Variants in PCDHGA10 observed in about 807,000 individuals in gnomAD.
PCDHGA10 encodes protocadherin gamma subfamily A, 10.
PCDHGA10 carries 42 observed loss-of-function variants against 59.5 expected under a neutral mutation model. That is an observed-to-expected ratio of 0.71 (90% CI 0.55 to 0.91). PCDHGA10 has a LOEUF of 0.91. Ranked by LOEUF, PCDHGA10 falls within the 40% of genes least tolerant of loss-of-function variation. The pLI is 0.00. For missense variants in PCDHGA10, 1,111 were observed against 1,198.2 expected (o/e 0.93, Z 1.07); for synonymous variants, 511 against 517.2 (o/e 0.99, Z 0.16).
Position 141,413,476 on chromosome 5 carries a change from G to T in PCDHGA10, c.301G>T (p.Ala101Ser), listed in dbSNP as rs566734719. 2.1e-5 allele frequency: 34 copies of T among 1,614,004 alleles called. No homozygotes were observed. The South Asian group carries it at 3.7e-4, about 18-fold the overall frequency. ...CAGGATAGACCGGGAGGAGCTCTGC[G>T]CTCAGAGCGCGCGGTGCGTGGTGAG... The part of the protein sequence containing the change: ...AGRIDREELC[A>S]QSARCVVSFN... The change falls in exon 1 of 4, where the codon GCT becomes TCT. Residue 101 changes from alanine to serine, a missense_variant. By Grantham distance (99) the Ala-to-Ser change is moderately conservative (BLOSUM62 1). Coordinates refer to ENST00000398610, the MANE Select transcript of PCDHGA10 (RefSeq NM_018913.3).
Position 141,415,485 on chromosome 5 carries a change from T to C in PCDHGA10, c.2310T>C (p.Ser770=), listed in dbSNP as rs2154545779. 6.2e-7 allele frequency: 1 copy of C among 1,614,044 alleles called. No homozygotes were observed. Among genetic ancestry groups the C allele is most frequent in the South Asian group, 1.1e-5 (1 of 91,074 alleles). The change falls in exon 1 of 4, where the codon AGT becomes AGC. Residue 770 remains serine (S), a synonymous_variant. Coordinates refer to ENST00000398610, the MANE Select transcript of PCDHGA10 (RefSeq NM_018913.3). Reference sequence around the variant, plus strand: ...CTCTCACCGCGGACTCGCGAAAGAGTCACCTGATCTTCCCCCAGCCCAATT... The same window carrying C: ...CTCTCACCGCGGACTCGCGAAAGAGCCACCTGATCTTCCCCCAGCCCAATT... The part of the protein sequence containing the change: ...EVSLTADSRK[S]HLIFPQPNYA...
rs2095716553 is a variant in PCDHGA10 at position 141,414,167 on chromosome 5, A to T, written c.992A>T (p.Tyr331Phe). 1.9e-6 allele frequency: 3 copies of T among 1,605,526 alleles called. No individual in the cohort carries two copies. The highest frequency in any genetic ancestry group is 2.6e-6 in the Non-Finnish European group (3 of 1,175,760). Residue 331 changes from tyrosine (Y) to phenylalanine (F), a missense_variant, in exon 1 of 4, where the codon TAT becomes TTT. Tyr to Phe is a conservative substitution (Grantham distance 22). Transcript: ENST00000398610. The part of the protein sequence containing the change: ...IEIQAEDGGA[Y>F]LATAKVLITV... Reference sequence around the variant, plus strand: ...ATACAAGCAGAAGATGGAGGAGCATATCTTGCAACTGCAAAAGTGTTGATT... The same window carrying T: ...ATACAAGCAGAAGATGGAGGAGCATTTCTTGCAACTGCAAAAGTGTTGATT...
chr5:141,487,032 C>T lies in PCDHGA10; in HGVS notation c.2437-7775C>T. 6.2e-7 allele frequency: 1 copy of T among 1,614,210 alleles called. No individual in the cohort carries two copies. The highest frequency in any genetic ancestry group is 1.1e-5 in the South Asian group (1 of 91,084). ...GAGGCCCCAGATCCCAGCCTGTTTG[C>T]AGTCTCTCGATATGCTGGGGAGGTG... On this transcript the variant is annotated intron_variant, in intron 1 of 3. Coordinates refer to ENST00000398610, the MANE Select transcript of PCDHGA10 (RefSeq NM_018913.3). The surrounding 1 kb of genome is among the most constrained non-coding windows in gnomAD (Gnocchi z 5.0).
Position 141,476,035 on chromosome 5 carries a change from C to A in PCDHGA10, c.2437-18772C>A. On this transcript the variant is annotated intron_variant, in intron 1 of 3. Coordinates refer to ENST00000398610, the MANE Select transcript of PCDHGA10 (RefSeq NM_018913.3). This position sits in a 1 kb window ranked among gnomAD's most constrained non-coding sequence, Gnocchi z 7.6. ...CATGTCGGACTCGGCGCCCAGCGCCCAAGCGCTAACCCGCTGAAAGTTTCT... is the reference window on the plus strand; with the variant it reads ...CATGTCGGACTCGGCGCCCAGCGCCAAAGCGCTAACCCGCTGAAAGTTTCT... The A allele has an allele frequency of 1.4e-6, 2 of 1,466,592 alleles. No individual in the cohort carries two copies. The highest frequency in any genetic ancestry group is 1.8e-6 in the Non-Finnish European group (2 of 1,102,494). 90.8% of individuals were successfully genotyped at this position (1,466,592 alleles called of 1,614,324 possible). A position where few individuals can be genotyped will look rare whatever the true frequency, so the allele number is the denominator to read the frequency against.
Position 141,490,102 on chromosome 5 carries a change from G to A in PCDHGA10, c.2437-4705G>A, listed in dbSNP as rs377649214. On this transcript the variant is annotated intron_variant, in intron 1 of 3. Coordinates refer to ENST00000398610, the MANE Select transcript of PCDHGA10 (RefSeq NM_018913.3). The surrounding 1 kb of genome is among the most constrained non-coding windows in gnomAD (Gnocchi z 5.4). ...TTCTTTTGGAGACCACACATCTGAG[G>A]CAGTGCGGAACCTCTTTGGCCTAGA... 4.3e-6 allele frequency: 7 copies of A among 1,614,144 alleles called. No homozygotes were observed. The African/African-American group carries it at 9.3e-5, about 22-fold the overall frequency.
In PCDHGA10 at chr5:141,476,868, C is replaced by G. The variant is rs1213404395; in HGVS notation, c.2437-17939C>G. On this transcript the variant is annotated intron_variant, in intron 1 of 3. Transcript: ENST00000398610. This position sits in a 1 kb window ranked among gnomAD's most constrained non-coding sequence, Gnocchi z 7.6. Reference sequence around the variant, plus strand: ...GTCTTCAACCAGTCCTTGTACCGGGCGCGCGTCCTGGAGGATGCACCCTCC... The same window carrying G: ...GTCTTCAACCAGTCCTTGTACCGGGGGCGCGTCCTGGAGGATGCACCCTCC... 2.5e-6 allele frequency: 4 copies of G among 1,613,874 alleles called. No homozygotes were observed. Among genetic ancestry groups the G allele is most frequent in the Non-Finnish European group, 3.4e-6 (4 of 1,180,050 alleles).
In PCDHGA10 at chr5:141,432,262, A is replaced by G; in HGVS notation, c.2436+16651A>G. 1.9e-6 allele frequency: 3 copies of G among 1,614,222 alleles called. No homozygotes were observed. Among genetic ancestry groups the G allele is most frequent in the Non-Finnish European group, 2.5e-6 (3 of 1,180,036 alleles). On this transcript the variant is annotated intron_variant, in intron 1 of 3. Coordinates refer to ENST00000398610, the MANE Select transcript of PCDHGA10 (RefSeq NM_018913.3). This position sits in a 1 kb window ranked among gnomAD's most constrained non-coding sequence, Gnocchi z 6.0. ...AGAACACCATCCAAGGGGCAAGCCT[A>G]TCGTCCTACGTGTCCATCAACTCCG...
intron 1 of PCDHGA10, among the ~76,000 whole-genome samples, chr5:141,462,218 C>T (rs2099034952): frequency 6.6e-6 from 1 of 152,180 alleles, no homozygotes; most frequent in African/African-American, 2.4e-5. Context: ...CCTCGGCCTC[C>T]CAAAGTGCAG....
Position 141,431,920 on chromosome 5 carries a change from A to C in PCDHGA10, c.2436+16309A>C. On this transcript the variant is annotated intron_variant, in intron 1 of 3. Transcript: ENST00000398610. The surrounding 1 kb of genome is among the most constrained non-coding windows in gnomAD (Gnocchi z 4.8). ...ACGGACAGGTGATCTGTTTCATCCA[A>C]GGAAATCTGCCCTTTAAATTAGAAA... 1 of 1,614,164 alleles carries C rather than the reference A, an allele frequency of 6.2e-7. No individual in the cohort carries two copies. Among genetic ancestry groups the C allele is most frequent in the Non-Finnish European group, 8.5e-7 (1 of 1,179,976 alleles).
intron 2 of PCDHGA10, among the ~76,000 whole-genome samples, chr5:141,497,540 CT>C (rs754207034): frequency 0.18 from 24,498 of 134,808 alleles, 2,020 homozygotes; most frequent in African/African-American, 0.21. Flanking sequence ...TGCAACAAAC[CT>C]TTTTTTTTTT....
rs549051669 is a variant in PCDHGA10, at chr5:141,450,866, C to A, written c.2436+35255C>A. 4.7e-5 allele frequency among the ~76,000 whole-genome samples: 7 copies of A among 149,836 alleles called. No homozygotes were observed. In the East Asian group the frequency reaches 1.4e-3, roughly 29 times the overall value. On this transcript the variant is annotated intron_variant, in intron 1 of 3. Transcript: ENST00000398610. ...TTGAGATGGGGTCTTGCTCTGTCAC[C>A]CAGGCTGGTGTGCAGTGGTGCGATA...
intron 1 of PCDHGA10, chr5:141,433,291 T>C: frequency 9.1e-7 from 1 of 1,094,048 alleles, no homozygotes; most frequent in Non-Finnish European, 1.3e-6. Context: ...ACTCCTAGGC[T>C]CAAGCAATTA....
intron 2 of PCDHGA10, among the ~76,000 whole-genome samples, chr5:141,501,286 C>T (rs2099806802): frequency 8.9e-6 from 1 of 112,422 alleles, no homozygotes; most frequent in African/African-American, 3.5e-5. Context: ...GGGATATTCC[C>T]TTATACACAC....
chr5:141,419,936 G>T, intron 1 of PCDHGA10: 2 of 1,614,074 alleles, frequency 1.2e-6, no homozygotes, highest in Non-Finnish European at 1.7e-6. Context: ...GTTTTACCTG[G>T]TGGTGGCCTT....
chr5:141,432,300 T>G lies in PCDHGA10; in HGVS notation c.2436+16689T>G, dbSNP rs1280788604. ...TCCATCAACTCCGACACTGGGGTACTGTATGCGCTGAGCTCCTTCGACTAC... is the reference window on the plus strand; with the variant it reads ...TCCATCAACTCCGACACTGGGGTACGGTATGCGCTGAGCTCCTTCGACTAC... On this transcript the variant is annotated intron_variant, in intron 1 of 3. Transcript: ENST00000398610. The surrounding 1 kb of genome is among the most constrained non-coding windows in gnomAD (Gnocchi z 6.0). 1.9e-6 allele frequency: 3 copies of G among 1,614,158 alleles called. No homozygotes were observed. The highest frequency in any genetic ancestry group is 2.5e-6 in the Non-Finnish European group (3 of 1,180,056).
rs2099686717 is a variant in PCDHGA10, at chr5:141,489,403, A to C, written c.2437-5404A>C. The C allele has an allele frequency of 6.2e-7, 1 of 1,614,172 alleles. No homozygotes were observed. Among genetic ancestry groups the C allele is most frequent in the East Asian group, 2.2e-5 (1 of 44,884 alleles). On this transcript the variant is annotated intron_variant, in intron 1 of 3. Coordinates refer to ENST00000398610, the MANE Select transcript of PCDHGA10 (RefSeq NM_018913.3). The surrounding 1 kb of genome is among the most constrained non-coding windows in gnomAD (Gnocchi z 4.5). ...GAATGTTGCTCAGGATCTGGGCTTA[A>C]AGATGACAGATCTGTTGAGCCGGCG...
At chr5:141,425,491 C>G (rs1243033082) in intron 1 of PCDHGA10, among the ~76,000 whole-genome samples, 1 of 152,200 alleles carries the variant, frequency 6.6e-6, no homozygotes, top group Non-Finnish European at 1.5e-5. Context: ...ACCTACTAGG[C>G]TATACCTTTA....
At chr5:141,434,331 T>C (rs1271938024) in intron 1 of PCDHGA10, among the ~76,000 whole-genome samples, 3 of 152,186 alleles carry the variant, frequency 2.0e-5, no homozygotes, top group Non-Finnish European at 4.4e-5. Context: ...GCTTGTCTCT[T>C]TGTGTCGGGA....
At chr5:141,469,992 G>A (rs894673835) in intron 1 of PCDHGA10, among the ~76,000 whole-genome samples, 10 of 152,054 alleles carry the variant, frequency 6.6e-5, no homozygotes, top group South Asian at 2.1e-4. Context: ...TTAGCTGGTC[G>A]TCGTGGCACG....
Sources: allele counts gnomAD v4.1 joint callset (sites outside exome capture counted in the v4.1 genomes callset), GRCh38; gene constraint gnomAD v4.1.1; non-coding constraint Gnocchi (gnomAD v3.1); transcripts MANE v1.5; gene names NCBI Gene and HGNC (gene_info 2026-07-23, HGNC 2026-07-21).